The following KALRN variants were observed in gnomAD, a reference collection of about 807,000 sequenced individuals.
KALRN encodes kalirin.
In KALRN, 70 loss-of-function variants were observed where a neutral mutation model predicts 353.7. The ratio of observed to expected loss-of-function variants is 0.20; its 90% CI spans 0.16 to 0.24. The LOEUF (loss-of-function observed/expected upper bound fraction) is 0.24, where lower values mean the gene tolerates loss of function less well. KALRN is among the 10% of genes least tolerant of loss of function. KALRN has a pLI of 1.00. For synonymous variants in KALRN, 1,391 were observed against 1,434.8 expected (o/e 0.97, Z 0.69); for missense variants, 2,791 against 3,756.7 (o/e 0.74, Z 6.72).
chr3:124,203,867 TG>T (rs1171515999), intron 1 of KALRN, among the ~76,000 whole-genome samples: 1 of 152,218 alleles, frequency 6.6e-6, no homozygotes, highest in Non-Finnish European at 1.5e-5. Context: ...TTGAATTGCG[TG>T]GGTCCACTTA....
At chr3:124,685,320 C>A (rs2061510754) in intron 51 of KALRN, among the ~76,000 whole-genome samples, 1 of 151,988 alleles carries the variant, frequency 6.6e-6, no homozygotes, top group East Asian at 1.9e-4. Context: ...CTTCCCTCTC[C>A]TGGGAGAATT....
chr3:124,500,306 T>G (rs1198064225), intron 33 of KALRN, among the ~76,000 whole-genome samples: 4 of 152,220 alleles, frequency 2.6e-5, no homozygotes, highest in Non-Finnish European at 4.4e-5. Context: ...TCCAGTGTGT[T>G]AGCCATATCG....
chr3:124,638,833 T>A (rs1169322987), intron 37 of KALRN, among the ~76,000 whole-genome samples: 1 of 152,220 alleles, frequency 6.6e-6, no homozygotes, highest in African/African-American at 2.4e-5. Context: ...TTATATCATT[T>A]TAAAATGGTT....
At chr3:124,604,902 T>A (rs1167585127) in intron 34 of KALRN, among the ~76,000 whole-genome samples, 2 of 152,014 alleles carry the variant, frequency 1.3e-5, no homozygotes, top group Non-Finnish European at 2.9e-5. Flanking sequence ...ATGCTTGTAA[T>A]TCCAGCACTT....
At chr3:124,681,871 C>T (rs1403850635) in intron 51 of KALRN, among the ~76,000 whole-genome samples, 1 of 152,090 alleles carries the variant, frequency 6.6e-6, no homozygotes, top group African/African-American at 2.4e-5. Flanking sequence ...CTCAAGTGAT[C>T]TGCCTGCCTT....
intron 1 of KALRN, among the ~76,000 whole-genome samples, chr3:124,170,331 C>T (rs975051274): frequency 2.0e-5 from 3 of 152,196 alleles, no homozygotes; most frequent in African/African-American, 7.2e-5. Flanking sequence ...GTACTGGTCA[C>T]TTTATGTCAT....
Position 124,491,313 on chromosome 3 carries a change from C to A in KALRN, c.4588-10C>A. ...CTTCCCCGCCTCTCATAGGCATTTC[C>A]TGTCTACAGACCTCAGAGCTGGGTG... On this transcript the variant is annotated splice_polypyrimidine_tract_variant and intron_variant, in intron 30 of 59. Coordinates refer to ENST00000682506, the MANE Select transcript of KALRN (RefSeq NM_001388419.1). The A allele has an allele frequency of 6.4e-7, 1 of 1,568,032 alleles. No homozygotes were observed. The highest frequency in any genetic ancestry group is 8.6e-7 in the Non-Finnish European group (1 of 1,156,426).
chr3:124,230,857 CA>C (rs796655959), intron 2 of KALRN, among the ~76,000 whole-genome samples: 10,649 of 93,594 alleles, frequency 0.11, 484 homozygotes, highest in African/African-American at 0.18. Context: ...CCCCCAAAAC[CA>C]AAAAAAAAAA....
Position 124,334,169 on chromosome 3 carries a change from GC to G in KALRN, c.1417-94del. The G allele has an allele frequency of 9.9e-7, 1 of 1,012,226 alleles. No individual in the cohort carries two copies. The highest frequency in any genetic ancestry group is 1.5e-6 in the Non-Finnish European group (1 of 652,980). 62.7% of individuals were successfully genotyped at this position (1,012,226 alleles called of 1,614,324 possible). On this transcript the variant is annotated intron_variant, in intron 8 of 59. Transcript: ENST00000682506. This position sits in a 1 kb window ranked among gnomAD's most constrained non-coding sequence, Gnocchi z 4.2. ...ATGGAATGCCTGAGATTCTCAGAAG[GC>G]CTAGTCAGGGACCCTCAGGCAGACA... is the stretch of plus-strand genomic sequence containing the variant.
At chr3:124,312,743 G>T (rs1015947661) in intron 6 of KALRN, among the ~76,000 whole-genome samples, 3 of 152,198 alleles carry the variant, frequency 2.0e-5, no homozygotes, top group Non-Finnish European at 4.4e-5. Flanking sequence ...GAACAGCAAG[G>T]TTCATGAGAC....
chr3:124,576,916 T>C (rs56097528), intron 34 of KALRN, among the ~76,000 whole-genome samples: 7,338 of 152,230 alleles, frequency 0.048, 224 homozygotes, highest in Middle Eastern at 0.16. Flanking sequence ...TACTTAGAGG[T>C]AAACGTTTTT....
At chr3:124,489,093 G>A (rs1276102441) in intron 29 of KALRN, among the ~76,000 whole-genome samples, 5 of 152,144 alleles carry the variant, frequency 3.3e-5, no homozygotes, top group Non-Finnish European at 7.4e-5. Flanking sequence ...GATCACCTGA[G>A]GTCAGGAGTT....
At chr3:124,664,372 C>CGCGCGCGT (rs1553719855) in intron 45 of KALRN, among the ~76,000 whole-genome samples, 2 of 109,610 alleles carry the variant, frequency 1.8e-5, no homozygotes, top group Non-Finnish European at 3.4e-5. Flanking sequence ...TGTGTGTGTG[C>CGCGCGCGT]GCGCGCGCGC....
chr3:124,136,787 C>G (rs1371923543), intron 1 of KALRN, among the ~76,000 whole-genome samples: 2 of 152,128 alleles, frequency 1.3e-5, no homozygotes, highest in African/African-American at 2.4e-5. Context: ...AGAGTGTGAC[C>G]TGGGAAAAGA....
intron 5 of KALRN, among the ~76,000 whole-genome samples, chr3:124,287,823 A>ATATG (rs1225714257): frequency 2.0e-4 from 11 of 53,766 alleles, no homozygotes; most frequent in East Asian, 5.8e-4. Context: ...ATATATATAT[A>ATATG]TATGTATATA....
chr3:124,705,755 A>C (rs2062570260), intron 57 of KALRN, among the ~76,000 whole-genome samples: 2 of 152,026 alleles, frequency 1.3e-5, no homozygotes, highest in Non-Finnish European at 2.9e-5. Flanking sequence ...CCCAGCTTCA[A>C]GTATCTGTGT....
In KALRN at chr3:124,702,383, C is replaced by G. The variant is rs781725046; in HGVS notation, c.8075+267C>G. Reference sequence around the variant, plus strand: ...AATTTTCTTCAAAGTACAATTTTAGCTATAGGTCCTGAGTTTTGATATGCA... The same window carrying G: ...AATTTTCTTCAAAGTACAATTTTAGGTATAGGTCCTGAGTTTTGATATGCA... On this transcript the variant is annotated intron_variant, in intron 57 of 59. Transcript: ENST00000682506. 4.6e-5 allele frequency among the ~76,000 whole-genome samples: 7 copies of G among 152,076 alleles called. No individual in the cohort carries two copies. Among genetic ancestry groups the G allele is most frequent in the Non-Finnish European group, 1.0e-4 (7 of 68,020 alleles).
chr3:124,368,355 G>C (rs1221520958), intron 10 of KALRN, among the ~76,000 whole-genome samples: 1 of 148,136 alleles, frequency 6.8e-6, no homozygotes, highest in Non-Finnish European at 1.5e-5. Context: ...CGGGGCGGCC[G>C]GGCAGAGACG....
chr3:124,541,156 C>A (rs558396742), intron 33 of KALRN, among the ~76,000 whole-genome samples: 63 of 152,062 alleles, frequency 4.1e-4, no homozygotes, highest in Non-Finnish European at 8.5e-4. Flanking sequence ...TTTTAGAAAA[C>A]CCTTATGATT....
Sources: allele counts gnomAD v4.1 joint callset (sites outside exome capture counted in the v4.1 genomes callset), GRCh38; gene constraint gnomAD v4.1.1; non-coding constraint Gnocchi (gnomAD v3.1); transcripts MANE v1.5; gene names NCBI Gene and HGNC (gene_info 2026-07-23, HGNC 2026-07-21).